The following ATRNL1 variants were observed in gnomAD, a reference collection of about 807,000 sequenced individuals.
The protein encoded by ATRNL1 is attractin-like protein 1.
Under a neutral mutation model 182.7 loss-of-function variants are expected in ATRNL1, and 95 were observed. The observed-to-expected ratio is 0.52, with a 90% CI of 0.44 to 0.62. ATRNL1 has a LOEUF of 0.62. Among genes scored for constraint, ATRNL1 ranks in the 20% least tolerant of loss-of-function variants. The probability of loss-of-function intolerance (pLI) is 0.00; values close to 1 mark genes in which losing one functional copy is unlikely to be tolerated. For synonymous variants in ATRNL1, 576 were observed against 568.3 expected (o/e 1.01, Z -0.19); for missense variants, 1,471 against 1,679.5 (o/e 0.88, Z 2.17).
chr10:115,430,010 G>T (rs142855427), intron 21 of ATRNL1, among the ~76,000 whole-genome samples: 4,108 of 152,258 alleles, frequency 0.027, 149 homozygotes, highest in African/African-American at 0.078. Flanking sequence ...GGCGGAGCTT[G>T]CAGTGAGCCG....
At chr10:115,587,441 G>C (rs1855610282) in intron 26 of ATRNL1, among the ~76,000 whole-genome samples, 1 of 151,862 alleles carries the variant, frequency 6.6e-6, no homozygotes, top group African/African-American at 2.4e-5. Flanking sequence ...TCCCAGCCAG[G>C]TGCGGAATAT....
chr10:115,368,655 T>C (rs2134186858), intron 19 of ATRNL1, among the ~76,000 whole-genome samples: 1 of 152,186 alleles, frequency 6.6e-6, no homozygotes, highest in South Asian at 2.1e-4. Flanking sequence ...TCCCATCCCC[T>C]TTTCCACACC....
At chr10:115,423,976 C>T (rs1239046346) in intron 20 of ATRNL1, among the ~76,000 whole-genome samples, 1 of 152,116 alleles carries the variant, frequency 6.6e-6, no homozygotes, top group Non-Finnish European at 1.5e-5. Flanking sequence ...AGGAAATAAT[C>T]AGCAGAGCAA....
intron 18 of ATRNL1, among the ~76,000 whole-genome samples, chr10:115,332,490 T>C (rs1275297750): frequency 6.6e-6 from 1 of 152,242 alleles, no homozygotes; most frequent in African/African-American, 2.4e-5. Flanking sequence ...TCTGTATTAA[T>C]TGCTTCTCTT....
At chr10:115,275,272 C>T (rs1852054505) in intron 13 of ATRNL1, among the ~76,000 whole-genome samples, 2 of 152,122 alleles carry the variant, frequency 1.3e-5, no homozygotes, top group African/African-American at 4.8e-5. Flanking sequence ...GTGAGAGGGA[C>T]CTGAACTCCA....
intron 18 of ATRNL1, among the ~76,000 whole-genome samples, chr10:115,316,381 C>A (rs1182400863): frequency 6.6e-6 from 1 of 152,008 alleles, no homozygotes; most frequent in Non-Finnish European, 1.5e-5. Flanking sequence ...GGGTTGGTTC[C>A]ATGACTTTGC....
At chr10:115,558,077 A>AC (rs1565163576) in intron 26 of ATRNL1, among the ~76,000 whole-genome samples, 2 of 151,070 alleles carry the variant, frequency 1.3e-5, no homozygotes, top group Non-Finnish European at 3.0e-5. Flanking sequence ...AAAAAAAAAA[A>AC]CCATTTAAAA....
chr10:115,218,705 C>T (rs1322714596), intron 9 of ATRNL1, among the ~76,000 whole-genome samples: 2 of 152,166 alleles, frequency 1.3e-5, no homozygotes, highest in African/African-American at 4.8e-5. Context: ...TTGAATGCAG[C>T]CACTTTACCT....
At chr10:115,655,826 A>G (rs1860294554) in intron 26 of ATRNL1, among the ~76,000 whole-genome samples, 1 of 152,234 alleles carries the variant, frequency 6.6e-6, no homozygotes, top group Admixed American at 6.5e-5. Flanking sequence ...TGTTAGGGTC[A>G]ATATATTTTC....
intron 21 of ATRNL1, among the ~76,000 whole-genome samples, chr10:115,454,478 T>C (rs1387874163): frequency 6.6e-6 from 1 of 152,112 alleles, no homozygotes; most frequent in African/African-American, 2.4e-5. Flanking sequence ...AATGAATCTG[T>C]AGATCACTTT....
rs782782391 is a variant in ATRNL1, at chr10:115,300,218, C to A, written c.2600C>A (p.Ala867Glu). ...AAAGCTAATCCTTGTACATCTATGG[C>A]AAATGGCCTTGTCTGTGAAAAACCT... ...GLKANPCTSM[A>E]NGLVCEKPVV... The change falls in exon 16 of 29, where the codon GCA (alanine) becomes GAA (glutamate). Residue 867 changes from alanine to glutamate, a missense_variant. By Grantham distance (107) the Ala-to-Glu change is moderately radical. Around this residue, in one of 3 missense-constraint regions of ATRNL1, gnomAD observed 1,031 missense variants for 1,156.0 expected, o/e 0.89. Transcript: ENST00000355044. 6.2e-7 allele frequency: 1 copy of A among 1,613,920 alleles called. No individual in the cohort carries two copies. The highest frequency in any genetic ancestry group is 2.2e-5 in the East Asian group (1 of 44,862).
intron 26 of ATRNL1, among the ~76,000 whole-genome samples, chr10:115,587,357 C>T (rs1396312095): frequency 1.3e-5 from 2 of 151,962 alleles, no homozygotes; most frequent in African/African-American, 4.8e-5. Context: ...CCTCCCCCAG[C>T]CTCGCTGCCG....
At chr10:115,588,369 T>C (rs1299120104) in intron 26 of ATRNL1, among the ~76,000 whole-genome samples, 3 of 152,062 alleles carry the variant, frequency 2.0e-5, no homozygotes, top group Admixed American at 1.3e-4. Context: ...GATAGAGAGG[T>C]CAGAGCATTG....
At chr10:115,746,461 G>A (rs1488697013) in intron 27 of ATRNL1, among the ~76,000 whole-genome samples, 1 of 151,930 alleles carries the variant, frequency 6.6e-6, no homozygotes, top group Non-Finnish European at 1.5e-5. Context: ...AAGTGAGATT[G>A]TTTTACTTTA....
intron 26 of ATRNL1, among the ~76,000 whole-genome samples, chr10:115,654,780 A>G (rs1860231384): frequency 6.6e-6 from 1 of 152,118 alleles, no homozygotes; most frequent in South Asian, 2.1e-4. Flanking sequence ...ATTCTTTGAC[A>G]TTACTCACAA....
intron 27 of ATRNL1, among the ~76,000 whole-genome samples, chr10:115,822,111 C>G (rs782573926): frequency 6.6e-6 from 1 of 152,174 alleles, no homozygotes; most frequent in Non-Finnish European, 1.5e-5. Context: ...AATAAGAACT[C>G]AGGATTAAGA....
chr10:115,530,926 A>T (rs1405779827), intron 25 of ATRNL1, among the ~76,000 whole-genome samples: 3 of 151,566 alleles, frequency 2.0e-5, no homozygotes, highest in African/African-American at 7.3e-5. Flanking sequence ...ATGATTTCCA[A>T]TTTCATCCAT....
intron 18 of ATRNL1, among the ~76,000 whole-genome samples, chr10:115,324,473 G>A (rs1854766937): frequency 2.6e-5 from 4 of 152,102 alleles, no homozygotes. Flanking sequence ...ATCTACAAGG[G>A]CCATTTACAT....
intron 27 of ATRNL1, among the ~76,000 whole-genome samples, chr10:115,789,516 G>A (rs2907582): frequency 0.77 from 116,505 of 152,094 alleles, 44,705 homozygotes; most frequent in Admixed American, 0.83. Flanking sequence ...CACTACTGCT[G>A]AAAGGGCTCA....
Sources: allele counts gnomAD v4.1 joint callset (sites outside exome capture counted in the v4.1 genomes callset), GRCh38; gene constraint gnomAD v4.1.1; regional missense constraint gnomAD v4.1.1; transcripts MANE v1.5; gene names NCBI Gene and HGNC (gene_info 2026-07-23, HGNC 2026-07-21).